Variants in ZNF117 observed in about 807,000 individuals in gnomAD.
The protein encoded by ZNF117 is Krueppel-related zinc finger protein.
ZNF117 carries 37 observed loss-of-function variants against 41.2 expected under a neutral mutation model. The ratio of observed to expected loss-of-function variants is 0.90; its 90% CI spans 0.69 to 1.18. ZNF117 has a LOEUF of 1.18. ZNF117 is among the 50% of genes most tolerant of loss of function. The pLI is 0.00. For synonymous variants in ZNF117, 186 were observed against 186.6 expected (o/e 1.00, Z 0.02); for missense variants, 546 against 557.5 (o/e 0.98, Z 0.21).
At chr7:64,978,527 A>G in exon 3 of ZNF117, 1 of 1,613,080 alleles carries the variant, frequency 6.2e-7, no homozygotes, top group Non-Finnish European at 8.5e-7. Flanking sequence ...TATGTCTAGT[A>G]AGGTTTGAGA....
At chr7:64,982,619 G>A (rs768704770), upstream of ZNF117, among the ~76,000 whole-genome samples, 16 of 152,110 alleles carry the variant, frequency 1.1e-4, no homozygotes, top group Non-Finnish European at 2.1e-4. Context: ...TTTGGCCCAA[G>A]AAGAGTATTT....
At chr7:64,981,472 G>C in exon 2 of ZNF117, 1 of 1,592,062 alleles carries the variant, frequency 6.3e-7, no homozygotes, top group Non-Finnish European at 8.6e-7. Flanking sequence ...CTGGCTTAGA[G>C]ACAGCAATAC....
At chr7:64,976,617 T>A (rs1217838147) in exon 3 of ZNF117, 2 of 262,572 alleles carry the variant, frequency 7.6e-6, no homozygotes, top group Non-Finnish European at 1.5e-5. Flanking sequence ...GTGTGAAAAA[T>A]TAAAAGTTTT....
At chr7:64,977,179 TA>T in exon 3 of ZNF117, 1 of 455,814 alleles carries the variant, frequency 2.2e-6, no homozygotes, top group Non-Finnish European at 4.5e-6. Context: ...ACCTTATGTT[TA>T]GTAAGCGTTG....
At chr7:64,978,735 C>T in exon 3 of ZNF117, 3 of 1,613,088 alleles carry the variant, frequency 1.9e-6, no homozygotes, top group Middle Eastern at 1.7e-4. Context: ...ACATTCTTCA[C>T]ATTTGTACAG....
At chr7:64,985,967 A>AAAAG (rs1554299671), upstream of ZNF117, among the ~76,000 whole-genome samples, 107 of 148,998 alleles carry the variant, frequency 7.2e-4, 3 homozygotes, top group Non-Finnish European at 1.0e-3. Context: ...AAAAAAAAAA[A>AAAAG]AAAGAAAGAA....
At chr7:64,971,898 G>A (rs1260826679), downstream of ZNF117, 2 of 151,822 alleles carry the variant, frequency 1.3e-5, no homozygotes, top group Non-Finnish European at 2.9e-5. Context: ...AACAAAATGA[G>A]ACAACTGAAA....
exon 3 of ZNF117, chr7:64,975,785 T>A (rs1035422821): frequency 6.6e-6 from 1 of 152,170 alleles, no homozygotes; most frequent in Non-Finnish European, 1.5e-5. Context: ...AGCACACTGA[T>A]TAGTTCAATG....
chr7:64,980,199 G>A (rs1785996827), intron 2 of ZNF117: 1 of 152,042 alleles, frequency 6.6e-6, no homozygotes, highest in African/African-American at 2.4e-5. Context: ...AGACTCTCAG[G>A]ATCTCTAGCT....
downstream of ZNF117, chr7:64,972,782 A>G (rs1413855890): frequency 6.6e-6 from 1 of 152,090 alleles, no homozygotes; most frequent in Non-Finnish European, 1.5e-5. Context: ...AAAAACATTG[A>G]CAATGTCACA....
chr7:64,985,083 C>T (rs902242230), upstream of ZNF117, among the ~76,000 whole-genome samples: 7 of 152,210 alleles, frequency 4.6e-5, no homozygotes, highest in East Asian at 3.8e-4. Context: ...TGAGCCACCA[C>T]GCCCGGCCGA....
chr7:64,980,118 T>A (rs572742615), intron 2 of ZNF117: 1 of 152,682 alleles, frequency 6.5e-6, no homozygotes, highest in African/African-American at 2.4e-5. Flanking sequence ...AGAAGAAACA[T>A]GAATAAAGTC....
exon 3 of ZNF117, chr7:64,978,918 T>G (rs1785961086): frequency 6.2e-7 from 1 of 1,613,446 alleles, no homozygotes; most frequent in Admixed American, 1.7e-5. Flanking sequence ...GTAGGGAATT[T>G]CCCCAGTATG....
chr7:64,972,035 A>G (rs968117355), downstream of ZNF117: 2 of 152,102 alleles, frequency 1.3e-5, no homozygotes, highest in African/African-American at 4.8e-5. Flanking sequence ...AGGCTTAAAT[A>G]TTTTTCAAGA....
At chr7:64,981,468 T>G in exon 2 of ZNF117, 1 of 1,599,460 alleles carries the variant, frequency 6.3e-7, no homozygotes, top group Non-Finnish European at 8.6e-7. Context: ...AGGTCTGGCT[T>G]AGAGACAGCA....
At chr7:64,989,774 A>AG (rs1786222184) in intron 1 of ZNF117, among the ~76,000 whole-genome samples, 173 bp downstream of exon 1, 15 of 48,096 alleles carry the variant, frequency 3.1e-4, no homozygotes, top group East Asian at 2.4e-3. Flanking sequence ...ATTTTAAAAA[A>AG]AAAGAAGAAG....
At chr7:64,975,673 A>T (rs1420781268) in exon 3 of ZNF117, 1 of 152,208 alleles carries the variant, frequency 6.6e-6, no homozygotes, top group Non-Finnish European at 1.5e-5. Context: ...AGAAAAAAGT[A>T]TACTTTAAAT....
chr7:64,990,451 T>C (rs1160563205), exon 1 of ZNF117: 2 of 185,424 alleles, frequency 1.1e-5, no homozygotes, highest in Non-Finnish European at 2.3e-5. Flanking sequence ...TTGACTTTTA[T>C]ACATGCATCA....
intron 2 of ZNF117, among the ~76,000 whole-genome samples, 170 bp from the exon 4 acceptor site, chr7:64,979,706 A>C (rs1785983637): frequency 6.6e-6 from 1 of 152,048 alleles, no homozygotes; most frequent in Admixed American, 6.6e-5. Context: ...CATATTGACC[A>C]AAATGCATTT....
Sources: allele counts gnomAD v4.1 joint callset (sites outside exome capture counted in the v4.1 genomes callset), GRCh38; gene constraint gnomAD v4.1.1; transcripts MANE v1.5; gene names NCBI Gene and HGNC (gene_info 2026-07-23, HGNC 2026-07-21).